Variants in NLRP1 observed in about 807,000 individuals in gnomAD.
NLRP1 encodes NACHT, LRR and PYD domains-containing protein 1.
Under a neutral mutation model 136.7 loss-of-function variants are expected in NLRP1, and 94 were observed. The ratio of observed to expected loss-of-function variants is 0.69; its 90% CI spans 0.58 to 0.82. NLRP1 has a LOEUF of 0.82. Among genes scored for constraint, NLRP1 ranks in the 40% least tolerant of loss-of-function variants. The probability of loss-of-function intolerance (pLI) is 0.00; values close to 1 mark genes in which losing one functional copy is unlikely to be tolerated. For synonymous variants in NLRP1, 690 were observed against 725.1 expected, an observed-to-expected ratio of 0.95 and a Z score of 0.78; for missense variants, 1,575 against 1,802.7, an observed-to-expected ratio of 0.87 and a Z score of 2.29.
At chr17:5,509,195 C>A (rs891175512), downstream of NLRP1, among the ~76,000 whole-genome samples, 2 of 152,242 alleles carry the variant, frequency 1.3e-5, no homozygotes, top group Non-Finnish European at 2.9e-5. Context: ...TCCTGTCTAG[C>A]CTTTCCTCTT....
chr17:5,563,346 A>T (rs1163124280), intron 3 of NLRP1, among the ~76,000 whole-genome samples: 2 of 152,224 alleles, frequency 1.3e-5, no homozygotes, highest in Non-Finnish European at 2.9e-5. Flanking sequence ...TTCAGGAGAA[A>T]GTCAAAATCC....
chr17:5,559,040 T>C lies in NLRP1; in HGVS notation c.1656A>G (p.Leu552=). 1.2e-6 allele frequency: 2 copies of C among 1,614,116 alleles called. No individual in the cohort carries two copies. Among genetic ancestry groups the C allele is most frequent in the Non-Finnish European group, 1.7e-6 (2 of 1,180,012 alleles). Residue 552 remains leucine (L), a synonymous_variant, in exon 4 of 17, where the codon CTA becomes CTG. Transcript: ENST00000572272. ...CTTGGAGAGCCTGGGCAAGGTAATG[T>C]AGACAGAGGGTTGTGGTGGTCTTGG... ...LTSKTTTTLC[L]HYLAQALQAQ... is the part of the protein sequence containing the mutation.
At chr17:5,501,608 G>C (rs200052385) in exon 16 of NLRP1, 6 of 529,078 alleles carry the variant, frequency 1.1e-5, no homozygotes, top group Middle Eastern at 5.1e-4. Flanking sequence ...ATCTGTATGT[G>C]TACAACCTGT....
In NLRP1 at chr17:5,559,997, T is replaced by C. The variant is rs1305866436; in HGVS notation, c.699A>G (p.Pro233=). The C allele has an allele frequency of 3.1e-6, 5 of 1,595,496 alleles. No homozygotes were observed. In the East Asian group the frequency reaches 6.7e-5, roughly 21 times the overall value. Reference sequence around the variant, plus strand: ...GGGGCGTTCCTACCACCGCTGCCCATGGGGGCCTGCCTTTCTCTGATTTCT... The same window carrying C: ...GGGGCGTTCCTACCACCGCTGCCCACGGGGGCCTGCCTTTCTCTGATTTCT... ...EREKSEKGRP[P]WAAVVGTPPQ... Residue 233 remains proline (P), a synonymous_variant, in exon 4 of 17, where the codon CCA becomes CCG. Coordinates refer to ENST00000572272, the MANE Select transcript of NLRP1 (RefSeq NM_033004.4).
At position 5,581,868 on chromosome 17, in the gene NLRP1, A is replaced by T. The variant is rs769899247; in HGVS notation, c.643T>A (p.Tyr215Asn). 1 of 1,611,928 alleles carries T rather than the reference A, an allele frequency of 6.2e-7. No individual in the cohort carries two copies. Among genetic ancestry groups the T allele is most frequent in the African/African-American group, 1.3e-5 (1 of 74,858 alleles). Residue 215 changes from tyrosine to asparagine, a missense_variant, in exon 3 of 17, where the codon TAC becomes AAC. By Grantham distance (143) the Tyr-to-Asn change is moderately radical. Coordinates refer to ENST00000572272, the MANE Select transcript of NLRP1 (RefSeq NM_033004.4). ...QWPLDETSGI[Y>N]YTEIRERERE... is the part of the protein sequence containing the mutation. ...CTCAGTAGGGTCTCACCTGTGTAGT[A>T]AATTCCTGACGTTTCATCCAGAGGC...
Position 5,541,094 on chromosome 17 carries a change from G to T in NLRP1, c.2699+763C>A, listed in dbSNP as rs1911809829. 6.6e-6 allele frequency among the ~76,000 whole-genome samples: 1 copy of T among 152,146 alleles called. No homozygotes were observed. The highest frequency in any genetic ancestry group is 1.5e-5 in the Non-Finnish European group (1 of 68,038). ...GAGTCTCGCTCTGTTGCCCAGGCTG[G>T]AGTGTAATGAGGTGATTTCAGCTCA... On this transcript the variant is annotated intron_variant, in intron 6 of 16. Coordinates refer to ENST00000572272, the MANE Select transcript of NLRP1 (RefSeq NM_033004.4). The surrounding 1 kb of genome is among the most constrained non-coding windows in gnomAD (Gnocchi z 4.2).
intron 3 of NLRP1, among the ~76,000 whole-genome samples, chr17:5,564,325 T>C (rs1456847923): frequency 6.6e-6 from 1 of 152,216 alleles, no homozygotes; most frequent in Non-Finnish European, 1.5e-5. Flanking sequence ...ACCCACTAAC[T>C]ATCCCCACCT....
At chr17:5,548,402 T>C (rs1336474164) in intron 5 of NLRP1, among the ~76,000 whole-genome samples, 2 of 152,152 alleles carry the variant, frequency 1.3e-5, no homozygotes, top group African/African-American at 2.4e-5. Context: ...CTCCTCCCTC[T>C]GAGGATAGAG....
At chr17:5,522,475 C>T (rs887562185) in intron 12 of NLRP1, among the ~76,000 whole-genome samples, 1 of 152,198 alleles carries the variant, frequency 6.6e-6, no homozygotes, top group Non-Finnish European at 1.5e-5. Flanking sequence ...TCTGCTGGCG[C>T]CTTGATCTTG....
chr17:5,565,045 G>GT (rs368511196), intron 3 of NLRP1, among the ~76,000 whole-genome samples: 3,638 of 152,128 alleles, frequency 0.024, 157 homozygotes, highest in African/African-American at 0.084. Flanking sequence ...CCAATTTTTA[G>GT]TTTTTTGAGG....
At position 5,521,155 on chromosome 17, in the gene NLRP1, CAG is replaced by C. The variant is rs1908854114; in HGVS notation, c.3784-145_3784-144del. On this transcript the variant is annotated intron_variant, in intron 13 of 16. Coordinates refer to ENST00000572272, the MANE Select transcript of NLRP1 (RefSeq NM_033004.4). ...GCCTCCCTCCCCCCATGCACTGCTA[CAG>C]AGACAGCCCGCACTTGGTCTTTGAT... 1.2e-5 allele frequency: 9 copies of C among 778,724 alleles called. No homozygotes were observed. In the South Asian group the frequency reaches 1.2e-4, roughly 11 times the overall value. 48.2% of individuals were successfully genotyped at this position (778,724 alleles called of 1,614,324 possible). A position where few individuals can be genotyped will look rare whatever the true frequency, so the allele number is the denominator to read the frequency against.
At chr17:5,526,571 A>G (rs1290199206) in intron 12 of NLRP1, among the ~76,000 whole-genome samples, 1 of 151,752 alleles carries the variant, frequency 6.6e-6, no homozygotes, top group African/African-American at 2.4e-5. Flanking sequence ...TCTTGGAGGG[A>G]GGGTTGTGTG....
At position 5,556,768 on chromosome 17, in the gene NLRP1, C is replaced by T. The variant is rs183706866; in HGVS notation, c.2357+1571G>A. On this transcript the variant is annotated intron_variant, in intron 4 of 16. Transcript: ENST00000572272. ...CCTCCTGAGTAGCTGGGATTACAGGCGCCTGACACCATTTTCGGCTAATTT... is the reference window on the plus strand; with the variant it reads ...CCTCCTGAGTAGCTGGGATTACAGGTGCCTGACACCATTTTCGGCTAATTT... Among the ~76,000 whole-genome samples the T allele has an allele frequency of 3.0e-4, 46 of 151,952 alleles. No homozygotes were observed. The East Asian group carries it at 4.7e-3, about 15-fold the overall frequency.
downstream of NLRP1, among the ~76,000 whole-genome samples, chr17:5,510,782 C>T (rs1907585861): frequency 6.6e-6 from 1 of 152,148 alleles, no homozygotes. Flanking sequence ...AGGCCTTCGC[C>T]TCTCAAAGTG....
At chr17:5,575,387 T>C (rs1904909654) in intron 3 of NLRP1, among the ~76,000 whole-genome samples, 2 of 152,102 alleles carry the variant, frequency 1.3e-5, no homozygotes, top group African/African-American at 4.8e-5. Flanking sequence ...CCATCTCACG[T>C]GCAAAGACAC....
chr17:5,534,608 G>A (rs965733552), intron 8 of NLRP1, among the ~76,000 whole-genome samples: 21 of 152,004 alleles, frequency 1.4e-4, no homozygotes, highest in African/African-American at 5.1e-4. Flanking sequence ...TGAGTCCCAG[G>A]CCCTGGCCTC....
At chr17:5,561,067 T>G (rs1000316105) in intron 3 of NLRP1, among the ~76,000 whole-genome samples, 1 of 152,240 alleles carries the variant, frequency 6.6e-6, no homozygotes, top group Non-Finnish European at 1.5e-5. Context: ...ATTTTATTTA[T>G]TTTTTTGAGG....
intron 8 of NLRP1, among the ~76,000 whole-genome samples, chr17:5,536,401 C>A (rs922642337): frequency 1.3e-5 from 2 of 150,982 alleles, no homozygotes; most frequent in Non-Finnish European, 2.9e-5. Context: ...CCTGCCTCAG[C>A]CTCCCAAAGT....
At chr17:5,529,218 G>A (rs1452000996) in intron 12 of NLRP1, among the ~76,000 whole-genome samples, 2 of 152,016 alleles carry the variant, frequency 1.3e-5, no homozygotes, top group Non-Finnish European at 2.9e-5. Context: ...ATTCTGAGAA[G>A]TCTCATATGT....
Sources: gnomAD v4.1 joint callset for allele counts (sites outside exome capture counted in the v4.1 genomes callset) on GRCh38, gnomAD v4.1.1 for gene constraint, Gnocchi (gnomAD v3.1) non-coding constraint, MANE v1.5 for transcripts, NCBI Gene and HGNC (gene_info 2026-07-23, HGNC 2026-07-21) for gene names.